SOX5: variants seen among roughly 807,000 people sequenced by gnomAD.
The protein encoded by SOX5 is SRY-box transcription factor 5.
In SOX5, 9 loss-of-function variants were observed where a neutral mutation model predicts 92.0. The observed-to-expected ratio is 0.10, with a 90% CI of 0.06 to 0.17. The LOEUF is 0.17. SOX5 is among the 10% of genes least tolerant of loss of function. SOX5 has a pLI of 1.00. For synonymous variants in SOX5, 344 were observed against 336.3 expected (o/e 1.02, Z -0.25); for missense variants, 642 against 944.5 (o/e 0.68, Z 4.20).
At chr12:23,916,332 T>C (rs2097417052) in intron 1 of SOX5, among the ~76,000 whole-genome samples, 1 of 152,128 alleles carries the variant, frequency 6.6e-6, no homozygotes, top group Non-Finnish European at 1.5e-5. Flanking sequence ...GCTCCATCAA[T>C]CATTTGGCAA....
intron 1 of SOX5, among the ~76,000 whole-genome samples, chr12:24,493,597 G>A (rs1380636726): frequency 6.6e-6 from 1 of 152,150 alleles, no homozygotes; most frequent in African/African-American, 2.4e-5. Flanking sequence ...GGGTGCGGTG[G>A]CTCACGCCTG....
At chr12:23,676,393 A>G (rs2085693612) in intron 6 of SOX5, among the ~76,000 whole-genome samples, 1 of 152,194 alleles carries the variant, frequency 6.6e-6, no homozygotes, top group Non-Finnish European at 1.5e-5. Flanking sequence ...GAACCCCTAA[A>G]AAAGCTACAC....
At chr12:24,195,190 A>T (rs150723080) in intron 4 of SOX5, among the ~76,000 whole-genome samples, 176 of 152,008 alleles carry the variant, frequency 1.2e-3, no homozygotes, top group Non-Finnish European at 1.9e-3. Context: ...CATGAATACT[A>T]ATGAAAAACA....
chr12:23,579,517 G>T (rs1592247679), intron 9 of SOX5, among the ~76,000 whole-genome samples: 1 of 151,850 alleles, frequency 6.6e-6, no homozygotes, highest in African/African-American at 2.4e-5. Flanking sequence ...TATTTATGAA[G>T]AATACAAAAA....
At chr12:24,112,674 G>A (rs1947511347) in intron 4 of SOX5, among the ~76,000 whole-genome samples, 1 of 151,756 alleles carries the variant, frequency 6.6e-6, no homozygotes, top group Non-Finnish European at 1.5e-5. Flanking sequence ...GGGACTACAG[G>A]CATGTGCAAC....
At chr12:24,389,467 G>C (rs1286608499) in intron 1 of SOX5, among the ~76,000 whole-genome samples, 1 of 152,142 alleles carries the variant, frequency 6.6e-6, no homozygotes, top group Non-Finnish European at 1.5e-5. Context: ...AAGATATGCA[G>C]GTTAGGTAAA....
intron 7 of SOX5, among the ~76,000 whole-genome samples, chr12:23,651,713 G>A (rs2081584883): frequency 6.6e-6 from 1 of 152,014 alleles, no homozygotes; most frequent in African/African-American, 2.4e-5. Flanking sequence ...GTTAGGCCTT[G>A]AATATAAAAT....
intron 7 of SOX5, among the ~76,000 whole-genome samples, chr12:23,647,849 C>T (rs1023209599): frequency 5.9e-5 from 9 of 152,318 alleles, no homozygotes; most frequent in African/African-American, 1.9e-4. Context: ...ATTTCAACTA[C>T]TCAAACTTCC....
At chr12:23,971,511 AG>A (rs1948338700) in intron 4 of SOX5, among the ~76,000 whole-genome samples, 1 of 150,664 alleles carries the variant, frequency 6.6e-6, no homozygotes, top group African/African-American at 2.4e-5. Context: ...TACAGTGGAG[AG>A]GTTTACTTCC....
At chr12:23,569,367 T>C (rs1947736157) in intron 10 of SOX5, among the ~76,000 whole-genome samples, 1 of 152,088 alleles carries the variant, frequency 6.6e-6, no homozygotes, top group African/African-American at 2.4e-5. Flanking sequence ...GTGTAAGAAA[T>C]ACAAAATTAA....
chr12:23,890,750 A>T (rs1183359421), intron 2 of SOX5, among the ~76,000 whole-genome samples: 1 of 152,082 alleles, frequency 6.6e-6, no homozygotes. Context: ...CAGTGACCCC[A>T]AAATTACAGT....
intron 1 of SOX5, among the ~76,000 whole-genome samples, chr12:24,403,999 A>G (rs1470389264): frequency 1.3e-5 from 2 of 152,192 alleles, no homozygotes; most frequent in African/African-American, 2.4e-5. Flanking sequence ...AATAATTCCT[A>G]TCTCCCACCT....
At chr12:23,764,148 G>A (rs1224896283) in intron 3 of SOX5, among the ~76,000 whole-genome samples, 1 of 151,856 alleles carries the variant, frequency 6.6e-6, no homozygotes, top group Non-Finnish European at 1.5e-5. Flanking sequence ...ATATTGAGAG[G>A]AAAAATATTT....
chr12:24,079,878 A>ATT (rs1249909759), intron 4 of SOX5, among the ~76,000 whole-genome samples: 4 of 152,084 alleles, frequency 2.6e-5, no homozygotes, highest in Admixed American at 2.0e-4. Flanking sequence ...GTGATTAAAC[A>ATT]AGTGTAGCAC....
intron 3 of SOX5, among the ~76,000 whole-genome samples, chr12:24,224,184 T>C (rs1384572226): frequency 6.6e-6 from 1 of 152,130 alleles, no homozygotes; most frequent in Non-Finnish European, 1.5e-5. Flanking sequence ...TGCAAGATCA[T>C]CTAATGAGGG....
At chr12:23,994,134 T>TAAAACA (rs1430569572) in intron 4 of SOX5, among the ~76,000 whole-genome samples, 3 of 150,604 alleles carry the variant, frequency 2.0e-5, no homozygotes, top group East Asian at 2.0e-4. Context: ...AAAAACAAAA[T>TAAAACA]AAAACAAAAA....
At chr12:24,390,325 G>T (rs1342404912) in intron 1 of SOX5, among the ~76,000 whole-genome samples, 1 of 152,128 alleles carries the variant, frequency 6.6e-6, no homozygotes, top group Non-Finnish European at 1.5e-5. Context: ...CCTCTTGCTT[G>T]AGCAGCTATG....
intron 4 of SOX5, among the ~76,000 whole-genome samples, chr12:24,082,679 G>T (rs2137630866): frequency 6.6e-6 from 1 of 151,734 alleles, no homozygotes; most frequent in East Asian, 1.9e-4. Context: ...ATAATGAGAA[G>T]AAAAATACCA....
intron 2 of SOX5, among the ~76,000 whole-genome samples, chr12:24,289,303 A>G (rs1468925455): frequency 6.6e-6 from 1 of 152,078 alleles, no homozygotes; most frequent in African/African-American, 2.4e-5. Flanking sequence ...AAAACAAAAA[A>G]GAATCTGATG....
Sources: gnomAD v4.1 joint callset for allele counts (sites outside exome capture counted in the v4.1 genomes callset) on GRCh38, gnomAD v4.1.1 for gene constraint, MANE v1.5 for transcripts, NCBI Gene and HGNC (gene_info 2026-07-23, HGNC 2026-07-21) for gene names.